RORA: variants seen among roughly 807,000 people sequenced by gnomAD.
The protein encoded by RORA is RAR related orphan receptor A, also known as nuclear receptor ROR-alpha.
A neutral mutation model predicts 69.5 loss-of-function variants in RORA; 7 were observed. The observed-to-expected ratio is 0.10, with a 90% CI of 0.06 to 0.19. The LOEUF is 0.19. Ranked by LOEUF, RORA falls within the 10% of genes least tolerant of loss-of-function variation. The probability of loss-of-function intolerance (pLI) is 1.00; values close to 1 mark genes in which losing one functional copy is unlikely to be tolerated. For synonymous variants in RORA, 261 were observed against 240.8 expected (o/e 1.08, Z -0.78); for missense variants, 457 against 663.0 (o/e 0.69, Z 3.41).
chr15:60,889,885 G>A (rs1567227064), intron 1 of RORA, among the ~76,000 whole-genome samples: 1 of 152,152 alleles, frequency 6.6e-6, no homozygotes, highest in Non-Finnish European at 1.5e-5. Flanking sequence ...TCTTTTGGAT[G>A]GCAACGGACG....
intron 1 of RORA, among the ~76,000 whole-genome samples, chr15:61,098,393 G>A (rs544225196): frequency 3.3e-5 from 5 of 151,708 alleles, no homozygotes; most frequent in Non-Finnish European, 7.4e-5. Flanking sequence ...CCAGGCTGGA[G>A]TGCAGTGGCG....
At chr15:60,777,461 A>G (rs16943098) in intron 1 of RORA, among the ~76,000 whole-genome samples, 3,712 of 152,286 alleles carry the variant, frequency 0.024, 157 homozygotes, top group African/African-American at 0.086. Context: ...TTCAACTCAA[A>G]TATTTAATGT....
intron 2 of RORA, among the ~76,000 whole-genome samples, chr15:60,649,274 C>T (rs1405434754): frequency 6.6e-6 from 1 of 151,786 alleles, no homozygotes; most frequent in African/African-American, 2.4e-5. Flanking sequence ...ATATAAGATT[C>T]TTGCTCCTGA....
At chr15:60,612,680 TTTTTTC>T (rs1230670286) in intron 2 of RORA, among the ~76,000 whole-genome samples, 36 of 121,302 alleles carry the variant, frequency 3.0e-4, no homozygotes, top group African/African-American at 8.9e-4. Context: ...TTTTTTTTTT[TTTTTTC>T]TCTCTCTCTG....
intron 1 of RORA, among the ~76,000 whole-genome samples, chr15:61,103,180 G>A (rs573870212): frequency 1.0e-3 from 158 of 152,310 alleles, no homozygotes; most frequent in African/African-American, 3.7e-3. Flanking sequence ...GAGAAGGCAT[G>A]GTGAGATGTG....
chr15:60,786,879 G>C (rs1394173753), intron 1 of RORA, among the ~76,000 whole-genome samples: 3 of 152,234 alleles, frequency 2.0e-5, no homozygotes, highest in Non-Finnish European at 4.4e-5. Flanking sequence ...CTCGTGATAG[G>C]CATTTAGCAA....
intron 1 of RORA, among the ~76,000 whole-genome samples, chr15:60,723,418 T>C (rs555245120): frequency 3.9e-4 from 58 of 147,448 alleles, no homozygotes; most frequent in African/African-American, 1.4e-3. Flanking sequence ...TCTTTGAAAA[T>C]TTGTGGAAAA....
chr15:60,642,341 G>A (rs747246647), intron 2 of RORA, among the ~76,000 whole-genome samples: 8 of 152,200 alleles, frequency 5.3e-5, no homozygotes, highest in Non-Finnish European at 2.9e-5. Flanking sequence ...CAGATTTGGT[G>A]CCATTCCGTG....
At chr15:61,156,156 C>T (rs1277438360) in intron 1 of RORA, among the ~76,000 whole-genome samples, 1 of 152,088 alleles carries the variant, frequency 6.6e-6, no homozygotes, top group Non-Finnish European at 1.5e-5. Context: ...TTCCTTGTCA[C>T]TTCTCTTTCT....
intron 1 of RORA, among the ~76,000 whole-genome samples, chr15:60,780,607 C>A (rs970079022): frequency 1.3e-5 from 2 of 151,844 alleles, no homozygotes; most frequent in African/African-American, 4.8e-5. Context: ...TCAAAAGAAA[C>A]AATTTGCTTG....
intron 1 of RORA, among the ~76,000 whole-genome samples, chr15:60,942,542 G>A (rs548768573): frequency 1.3e-5 from 2 of 152,334 alleles, no homozygotes; most frequent in South Asian, 2.1e-4. Context: ...CATTAGGGAT[G>A]TAGCCTCAGG....
chr15:61,128,899 G>C lies in RORA; in HGVS notation c.166+100154C>G, dbSNP rs2079166021. ...GCACGCTCATTTACATGGGACCCAA[G>C]AAGAGACACTGGCCGTGGCACCACG... On this transcript the variant is annotated intron_variant, in intron 1 of 10. Coordinates refer to ENST00000335670, the MANE Select transcript of RORA (RefSeq NM_134261.3). The surrounding 1 kb of genome is among the most constrained non-coding windows in gnomAD (Gnocchi z 4.5). Among the ~76,000 whole-genome samples, 1 of 152,228 alleles carries C rather than the reference G, an allele frequency of 6.6e-6. No individual in the cohort carries two copies. The highest frequency in any genetic ancestry group is 2.4e-5 in the African/African-American group (1 of 41,454).
intron 1 of RORA, among the ~76,000 whole-genome samples, chr15:60,941,587 T>G (rs1204870281): frequency 6.6e-6 from 1 of 152,246 alleles, no homozygotes; most frequent in East Asian, 1.9e-4. Context: ...GTTTCTATGA[T>G]GCTTTCACCC....
chr15:60,729,285 C>G (rs1449406925), intron 1 of RORA, among the ~76,000 whole-genome samples: 1 of 152,180 alleles, frequency 6.6e-6, no homozygotes, highest in Non-Finnish European at 1.5e-5. Flanking sequence ...AACACATTAA[C>G]TGGAAATGCT....
At chr15:60,976,083 T>C (rs17237521) in intron 1 of RORA, among the ~76,000 whole-genome samples, 23,110 of 152,244 alleles carry the variant, frequency 0.15, 2,634 homozygotes, top group East Asian at 0.58. Flanking sequence ...GGTGGAGCAA[T>C]TAATCCACAA....
intron 1 of RORA, among the ~76,000 whole-genome samples, chr15:61,015,290 A>C (rs1895241555): frequency 6.6e-6 from 1 of 152,150 alleles, no homozygotes; most frequent in Admixed American, 6.5e-5. Flanking sequence ...CTGCCAACTA[A>C]GGATTAGTTC....
At chr15:60,858,616 G>A (rs569733036) in intron 1 of RORA, among the ~76,000 whole-genome samples, 338 of 151,750 alleles carry the variant, frequency 2.2e-3, no homozygotes, top group Non-Finnish European at 3.8e-3. Context: ...AGGAAGGAGA[G>A]GAAAGAACCT....
In RORA at chr15:60,989,546, T is replaced by C. The variant is rs146641975; in HGVS notation, c.166+239507A>G. On this transcript the variant is annotated intron_variant, in intron 1 of 10. Coordinates refer to ENST00000335670, the MANE Select transcript of RORA (RefSeq NM_134261.3). ...CTAAATATTCAAATTTCTGTGTGAATATATGTTTTTCTTGGGTATATACTC... is the reference window on the plus strand; with the variant it reads ...CTAAATATTCAAATTTCTGTGTGAACATATGTTTTTCTTGGGTATATACTC... Among the ~76,000 whole-genome samples, 649 of 152,316 alleles carry C rather than the reference T, an allele frequency of 4.3e-3. 8 individuals carry two copies. Among genetic ancestry groups the C allele is most frequent in the African/African-American group, 0.015 (621 of 41,572 alleles).
At chr15:60,838,850 ACACACACAC>A (rs2073154967) in intron 1 of RORA, among the ~76,000 whole-genome samples, 1 of 22,114 alleles carries the variant, frequency 4.5e-5, no homozygotes, top group East Asian at 3.3e-3. Context: ...TTCAACACAC[ACACACACAC>A]ACACACACAC....
Sources: allele counts gnomAD v4.1 joint callset (sites outside exome capture counted in the v4.1 genomes callset), GRCh38; gene constraint gnomAD v4.1.1; non-coding constraint Gnocchi (gnomAD v3.1); transcripts MANE v1.5; gene names NCBI Gene and HGNC (gene_info 2026-07-23, HGNC 2026-07-21).